ATXN1: variants seen among roughly 807,000 people sequenced by gnomAD.
ATXN1 encodes the protein ataxin 1.
ATXN1 carries 8 observed loss-of-function variants against 56.4 expected under a neutral mutation model. That is an observed-to-expected ratio of 0.14 (90% CI 0.08 to 0.26). The LOEUF (loss-of-function observed/expected upper bound fraction) is 0.26, where lower values mean the gene tolerates loss of function less well. Ranked by LOEUF, ATXN1 falls within the 10% of genes least tolerant of loss-of-function variation. ATXN1 has a pLI of 1.00. For missense variants in ATXN1, 987 were observed against 1,106.5 expected (o/e 0.89, Z 1.53); for synonymous variants, 514 against 494.6 (o/e 1.04, Z -0.52).
Position 16,306,080 on chromosome 6 carries a change from G to T in ATXN1, c.*249C>A. 2.7e-6 allele frequency: 1 copy of T among 370,890 alleles called. No homozygotes were observed. The highest frequency in any genetic ancestry group is 4.5e-5 in the Admixed American group (1 of 22,356). The allele number at this position is 370,890 out of a possible 1,614,324, so 23.0% of individuals were successfully genotyped here. The stretch of plus-strand genomic sequence containing the variant: ...GTGAAGCCCCGTTCCTTTCTTCCCC[G>T]GGGATGCCTGGAGCCCTGACCGCTC... On this transcript the variant is annotated 3_prime_UTR_variant, in exon 8 of 8. Transcript: ENST00000436367. This position sits in a 1 kb window ranked among gnomAD's most constrained non-coding sequence, Gnocchi z 5.2.
chr6:16,441,527 A>T (rs1252653432), intron 6 of ATXN1, among the ~76,000 whole-genome samples: 1 of 152,172 alleles, frequency 6.6e-6, no homozygotes, highest in African/African-American at 2.4e-5. Context: ...TACCACAGAG[A>T]CATGCCCCCA....
intron 6 of ATXN1, among the ~76,000 whole-genome samples, chr6:16,331,019 G>T (rs1244654488): frequency 3.3e-5 from 5 of 149,964 alleles, no homozygotes; most frequent in African/African-American, 7.4e-5. Context: ...TTTTTTTTTT[G>T]AGATGGAGTC....
In ATXN1 at chr6:16,761,329, G is replaced by T. The variant is rs1242213280; in HGVS notation, c.-761C>A. 2.2e-6 allele frequency: 1 copy of T among 456,322 alleles called. No individual in the cohort carries two copies. The highest frequency in any genetic ancestry group is 4.4e-6 in the Non-Finnish European group (1 of 226,854). 28.3% of individuals were successfully genotyped at this position (456,322 alleles called of 1,614,324 possible). ...GTGTAAATGGATCTGGGGTTGCGTG[G>T]GGAAGGGGGGGCAGAGGGAGAGAAA... On this transcript the variant is annotated 5_prime_UTR_variant, in exon 1 of 8. Coordinates refer to ENST00000436367, the MANE Select transcript of ATXN1 (RefSeq NM_001128164.2).
At chr6:16,464,072 A>G (rs1181058448) in intron 6 of ATXN1, among the ~76,000 whole-genome samples, 1 of 152,122 alleles carries the variant, frequency 6.6e-6, no homozygotes, top group East Asian at 1.9e-4. Context: ...CCAGTTCCCA[A>G]CAGCAGCTGG....
intron 7 of ATXN1, among the ~76,000 whole-genome samples, chr6:16,319,504 A>G (rs896729078): frequency 1.3e-5 from 2 of 152,220 alleles, no homozygotes; most frequent in African/African-American, 4.8e-5. Context: ...GCTGTTCTGT[A>G]TAATAATGTA....
chr6:16,415,841 T>C (rs191637167), intron 6 of ATXN1, among the ~76,000 whole-genome samples: 5 of 152,314 alleles, frequency 3.3e-5, no homozygotes, highest in Admixed American at 1.3e-4. Flanking sequence ...GGATCCTTCA[T>C]GCTGTAGGTA....
chr6:16,746,477 A>C (rs1760540639), intron 2 of ATXN1, among the ~76,000 whole-genome samples: 1 of 152,208 alleles, frequency 6.6e-6, no homozygotes, highest in Admixed American at 6.5e-5. Flanking sequence ...TCTACTTGCA[A>C]ATTAAAAGCA....
rs1320167324 is a variant in ATXN1, at chr6:16,306,879, C to T, written c.1918-20G>A. On this transcript the variant is annotated intron_variant, in intron 7 of 7. Coordinates refer to ENST00000436367, the MANE Select transcript of ATXN1 (RefSeq NM_001128164.2). The surrounding 1 kb of genome is among the most constrained non-coding windows in gnomAD (Gnocchi z 5.2). The stretch of plus-strand genomic sequence containing the variant: ...GCTGACCTGTGGAAACAGGGAGAGA[C>T]AGAGAGAGGAAGAAGGAAGGGAACA... 3 of 1,574,398 alleles carry T rather than the reference C, an allele frequency of 1.9e-6. No homozygotes were observed. Among genetic ancestry groups the T allele is most frequent in the Non-Finnish European group, 2.6e-6 (3 of 1,166,836 alleles).
chr6:16,439,845 T>C (rs948653751), intron 6 of ATXN1, among the ~76,000 whole-genome samples: 23 of 148,040 alleles, frequency 1.6e-4, no homozygotes, highest in African/African-American at 5.3e-4. Flanking sequence ...GAGGCTGAAG[T>C]GGGCAGATCA....
intron 3 of ATXN1, among the ~76,000 whole-genome samples, chr6:16,647,390 A>C (rs1191492031): frequency 6.6e-6 from 1 of 152,208 alleles, no homozygotes; most frequent in Non-Finnish European, 1.5e-5. Context: ...ATTAAGTGGA[A>C]GTTCGGTATT....
At chr6:16,368,135 A>G (rs777938132) in intron 6 of ATXN1, among the ~76,000 whole-genome samples, 1 of 151,660 alleles carries the variant, frequency 6.6e-6, no homozygotes, top group Non-Finnish European at 1.5e-5. Context: ...ATGCCACTGC[A>G]CTCCAGCCTG....
At chr6:16,626,588 GC>G (rs1325772087) in intron 3 of ATXN1, among the ~76,000 whole-genome samples, 1 of 152,090 alleles carries the variant, frequency 6.6e-6, no homozygotes, top group Non-Finnish European at 1.5e-5. Flanking sequence ...GAGCCACTGC[GC>G]CCAGCTGGTT....
intron 3 of ATXN1, among the ~76,000 whole-genome samples, chr6:16,624,685 T>G (rs1252221513): frequency 1.3e-5 from 2 of 152,172 alleles, no homozygotes; most frequent in Non-Finnish European, 2.9e-5. Flanking sequence ...CAGCACATAC[T>G]GTGGGTGAGA....
intron 5 of ATXN1, among the ~76,000 whole-genome samples, chr6:16,507,084 C>G (rs1337357968): frequency 1.3e-5 from 2 of 152,102 alleles, no homozygotes; most frequent in Non-Finnish European, 2.9e-5. Flanking sequence ...ATGCTTTAAG[C>G]CTTAGAATAT....
intron 2 of ATXN1, among the ~76,000 whole-genome samples, chr6:16,741,130 C>T (rs775794570): frequency 6.6e-6 from 1 of 152,172 alleles, no homozygotes; most frequent in Non-Finnish European, 1.5e-5. Flanking sequence ...TCTAGTAAAT[C>T]AGTCAACCTC....
intron 5 of ATXN1, among the ~76,000 whole-genome samples, chr6:16,496,564 A>G (rs1760784874): frequency 6.6e-6 from 1 of 152,058 alleles, no homozygotes; most frequent in Admixed American, 6.6e-5. Context: ...ATCATGAAGG[A>G]CCCTGTACTC....
At chr6:16,642,616 T>C (rs927215169) in intron 3 of ATXN1, among the ~76,000 whole-genome samples, 3 of 152,220 alleles carry the variant, frequency 2.0e-5, no homozygotes, top group Non-Finnish European at 4.4e-5. Flanking sequence ...AGAGAAATCT[T>C]TCATGAAAGG....
intron 6 of ATXN1, among the ~76,000 whole-genome samples, chr6:16,469,822 G>C (rs1581784652): frequency 6.6e-6 from 1 of 152,094 alleles, no homozygotes; most frequent in East Asian, 1.9e-4. Context: ...AATTAGCCTG[G>C]TGTGGTGGCG....
At chr6:16,549,616 G>A (rs563222937) in intron 4 of ATXN1, among the ~76,000 whole-genome samples, 174 of 152,186 alleles carry the variant, frequency 1.1e-3, no homozygotes, top group African/African-American at 4.0e-3. Flanking sequence ...TAGGCATGCT[G>A]GCCAGGTGCA....
Sources: gnomAD v4.1 joint callset for allele counts (sites outside exome capture counted in the v4.1 genomes callset) on GRCh38, gnomAD v4.1.1 for gene constraint, Gnocchi (gnomAD v3.1) non-coding constraint, MANE v1.5 for transcripts, NCBI Gene and HGNC (gene_info 2026-07-23, HGNC 2026-07-21) for gene names.